DET1: variants seen among roughly 807,000 people sequenced by gnomAD.
DET1 encodes the protein DET1 homolog.
A neutral mutation model predicts 43.7 loss-of-function variants in DET1; 22 were observed. The observed-to-expected ratio is 0.50, with a 90% CI of 0.36 to 0.72. The LOEUF (loss-of-function observed/expected upper bound fraction) is 0.72, where lower values mean the gene tolerates loss of function less well. Ranked by LOEUF, DET1 falls within the 30% of genes least tolerant of loss-of-function variation. The pLI is 0.00. For synonymous variants in DET1, 315 were observed against 266.2 expected (o/e 1.18, Z -1.79); for missense variants, 713 against 713.3 (o/e 1.00, Z 0.00).
chr15:88,526,885 A>G (rs1411203588), intron 3 of DET1, among the ~76,000 whole-genome samples: 2 of 152,020 alleles, frequency 1.3e-5, no homozygotes, highest in African/African-American at 2.4e-5. Flanking sequence ...AACTTTACCA[A>G]TCCTCCTCAT....
chr15:88,542,359 A>G (rs1274263971), intron 1 of DET1, among the ~76,000 whole-genome samples: 1 of 152,138 alleles, frequency 6.6e-6, no homozygotes, highest in East Asian at 1.9e-4. Context: ...CCTCACGGAT[A>G]TTAAAGGAGC....
In DET1 at chr15:88,522,889, T is replaced by C. The variant is rs367600104; in HGVS notation, c.1271+4710A>G. On this transcript the variant is annotated intron_variant, in intron 3 of 4. Transcript: ENST00000268148. ...ACATTGTTTTTTTTTTCTTCTTCTTTTTTTTTTTTTGAGATAGGGTCTTAC... is the reference window on the plus strand; with the variant it reads ...ACATTGTTTTTTTTTTCTTCTTCTTCTTTTTTTTTTGAGATAGGGTCTTAC... Among the ~76,000 whole-genome samples, 983 of 149,654 alleles carry C rather than the reference T, an allele frequency of 6.6e-3. 12 individuals are homozygous for C. The highest frequency in any genetic ancestry group is 0.019 in the African/African-American group (783 of 40,776).
At chr15:88,511,621 T>A (rs1244158302), downstream of DET1, 9 of 982,702 alleles carry the variant, frequency 9.2e-6, no homozygotes, top group South Asian at 4.2e-4. Context: ...TATTGTACTG[T>A]ATTATAATAA....
At chr15:88,519,305 CCT>C (rs1186504898) in intron 3 of DET1, among the ~76,000 whole-genome samples, 1 of 152,138 alleles carries the variant, frequency 6.6e-6, no homozygotes, top group Non-Finnish European at 1.5e-5. Flanking sequence ...TCCAGCTATA[CCT>C]CTCTTAGTTC....
At chr15:88,514,973 A>G (rs563819216) in intron 4 of DET1, among the ~76,000 whole-genome samples, 1 of 152,322 alleles carries the variant, frequency 6.6e-6, no homozygotes. Flanking sequence ...CTCATATCAG[A>G]TAAGGCCCAT....
At chr15:88,508,727 G>A (rs149382037), downstream of DET1, among the ~76,000 whole-genome samples, 6 of 152,256 alleles carry the variant, frequency 3.9e-5, no homozygotes, top group East Asian at 1.9e-4. Flanking sequence ...TTTGGAGTGG[G>A]TTGAGGAAAT....
intron 1 of DET1, among the ~76,000 whole-genome samples, chr15:88,539,067 G>GA (rs2057025288): frequency 6.6e-6 from 1 of 150,902 alleles, no homozygotes; most frequent in Non-Finnish European, 1.5e-5. Context: ...GGATGCTGGG[G>GA]AGCTGAGCCT....
chr15:88,516,655 T>G lies in DET1; in HGVS notation c.1463+127A>C. ...CTCTCACTGCATTATAGAAATAGCC[T>G]GCCTTTTCAACCTTACCCATGAGTA... On this transcript the variant is annotated intron_variant, in intron 4 of 4. Coordinates refer to ENST00000268148, the MANE Select transcript of DET1 (RefSeq NM_001144074.3). The surrounding 1 kb of genome is among the most constrained non-coding windows in gnomAD (Gnocchi z 4.4). The G allele has an allele frequency of 1.3e-6, 1 of 775,322 alleles. No individual in the cohort carries two copies. Among genetic ancestry groups the G allele is most frequent in the African/African-American group, 1.8e-5 (1 of 54,944 alleles). 48.0% of individuals were successfully genotyped at this position (775,322 alleles called of 1,614,324 possible).
At chr15:88,506,391 C>T (rs2056141571) in intron 7 of DET1, among the ~76,000 whole-genome samples, 1 of 151,008 alleles carries the variant, frequency 6.6e-6, no homozygotes, top group Non-Finnish European at 1.5e-5. Flanking sequence ...GCCTCCTACA[C>T]TAGTAATCAA....
chr15:88,519,990 A>T (rs975693654), intron 3 of DET1, among the ~76,000 whole-genome samples: 22 of 152,180 alleles, frequency 1.4e-4, no homozygotes, highest in Admixed American at 5.2e-4. Context: ...AGTTAGCAGA[A>T]GATAACTTTT....
chr15:88,510,465 A>G (rs955250974), downstream of DET1, among the ~76,000 whole-genome samples: 4 of 152,204 alleles, frequency 2.6e-5, no homozygotes, highest in Non-Finnish European at 4.4e-5. Context: ...AAGTGTTTCT[A>G]TGAAGAAAGG....
At chr15:88,544,663 G>T (rs2057200100) in intron 1 of DET1, among the ~76,000 whole-genome samples, 1 of 152,164 alleles carries the variant, frequency 6.6e-6, no homozygotes, top group Non-Finnish European at 1.5e-5. Context: ...GGCTCTGAAG[G>T]TGGATGGCAT....
chr15:88,522,504 T>C (rs1469206433), intron 3 of DET1, among the ~76,000 whole-genome samples: 2 of 144,062 alleles, frequency 1.4e-5, no homozygotes, highest in South Asian at 4.6e-4. Context: ...GTTCTAGGAA[T>C]GTTCCTGGTT....
intron 1 of DET1, among the ~76,000 whole-genome samples, chr15:88,533,108 C>G (rs2056858743): frequency 6.6e-6 from 1 of 152,080 alleles, no homozygotes; most frequent in Non-Finnish European, 1.5e-5. Flanking sequence ...ATCATATACC[C>G]AATTTTAAAA....
intron 3 of DET1, among the ~76,000 whole-genome samples, chr15:88,521,315 C>G (rs773570605): frequency 6.6e-6 from 1 of 152,242 alleles, no homozygotes; most frequent in Non-Finnish European, 1.5e-5. Flanking sequence ...CTCAGTGAAG[C>G]CTATGCTGAC....
chr15:88,523,967 C>T (rs536499439), intron 3 of DET1, among the ~76,000 whole-genome samples: 2 of 151,036 alleles, frequency 1.3e-5, no homozygotes, highest in African/African-American at 4.9e-5. Context: ...CGTCTCCACC[C>T]GGCCGCCATC....
downstream of DET1, chr15:88,511,382 T>G: frequency 1.0e-6 from 1 of 984,382 alleles, no homozygotes; most frequent in Non-Finnish European, 1.2e-6. Flanking sequence ...CAGTCACATT[T>G]CCCATCTCCC....
At chr15:88,521,382 C>G (rs1488102681) in intron 3 of DET1, among the ~76,000 whole-genome samples, 2 of 152,202 alleles carry the variant, frequency 1.3e-5, no homozygotes, top group Non-Finnish European at 2.9e-5. Flanking sequence ...TACCAGTATT[C>G]TAACAATTTT....
chr15:88,532,702 C>T (rs899972593), intron 1 of DET1, among the ~76,000 whole-genome samples: 11 of 152,166 alleles, frequency 7.2e-5, no homozygotes, highest in Non-Finnish European at 1.5e-4. Context: ...AGGACAGTCA[C>T]TTCAACAAAT....
Sources: gnomAD v4.1 joint callset for allele counts (sites outside exome capture counted in the v4.1 genomes callset) on GRCh38, gnomAD v4.1.1 for gene constraint, Gnocchi (gnomAD v3.1) non-coding constraint, MANE v1.5 for transcripts, NCBI Gene and HGNC (gene_info 2026-07-23, HGNC 2026-07-21) for gene names.